CNTN5: variants seen among roughly 807,000 people sequenced by gnomAD.
The protein encoded by CNTN5 is contactin-5.
A neutral mutation model predicts 129.1 loss-of-function variants in CNTN5; 77 were observed. The observed-to-expected ratio is 0.60, with a 90% CI of 0.50 to 0.72. The LOEUF is 0.72. Among genes scored for constraint, CNTN5 ranks in the 30% least tolerant of loss-of-function variants. The probability of loss-of-function intolerance (pLI) is 0.00; values close to 1 mark genes in which losing one functional copy is unlikely to be tolerated. For synonymous variants in CNTN5, 509 were observed against 465.6 expected, an observed-to-expected ratio of 1.09 and a Z score of -1.20; for missense variants, 1,478 against 1,328.8, an observed-to-expected ratio of 1.11 and a Z score of -1.75.
At chr11:99,949,532 A>T (rs1401699561) in intron 7 of CNTN5, among the ~76,000 whole-genome samples, 4 of 152,132 alleles carry the variant, frequency 2.6e-5, no homozygotes, top group African/African-American at 9.7e-5. Context: ...CAAAGTTTGG[A>T]ACCTAGGTTG....
At chr11:99,337,078 T>C (rs1054898875) in intron 2 of CNTN5, among the ~76,000 whole-genome samples, 3 of 152,146 alleles carry the variant, frequency 2.0e-5, no homozygotes, top group Non-Finnish European at 4.4e-5. Flanking sequence ...TTCTTAATAA[T>C]TTTTCTCTAT....
intron 1 of CNTN5, among the ~76,000 whole-genome samples, chr11:99,054,077 G>T (rs1185539893): frequency 6.6e-6 from 1 of 151,886 alleles, no homozygotes; most frequent in Non-Finnish European, 1.5e-5. Context: ...CAAATATTTG[G>T]ATATTAATAT....
Position 100,340,443 on chromosome 11 carries a change from A to T in CNTN5, c.2731-20A>T, listed in dbSNP as rs375539377. The stretch of plus-strand genomic sequence containing the variant: ...GAGGAAGCTTTAAAATTAACCTGCC[A>T]TGTGATAATTTGTTGATAGGTTGGT... On this transcript the variant is annotated intron_variant, in intron 21 of 24. Transcript: ENST00000524871. 1.3e-6 allele frequency: 2 copies of T among 1,579,494 alleles called. No homozygotes were observed. Among genetic ancestry groups the T allele is most frequent in the Non-Finnish European group, 1.7e-6 (2 of 1,157,886 alleles).
At chr11:100,029,461 T>C (rs554444626) in intron 9 of CNTN5, among the ~76,000 whole-genome samples, 3 of 152,110 alleles carry the variant, frequency 2.0e-5, no homozygotes, top group African/African-American at 7.2e-5. Context: ...CAGGCGCCTG[T>C]AGTCCCAGCT....
chr11:99,726,308 A>G lies in CNTN5; in HGVS notation c.56-93236A>G, dbSNP rs528429657. ...TGTATGTGTGCCAGAGTAAAAAGCA[A>G]TTAATAGCAAAGTATTTTATAAAAG... On this transcript the variant is annotated intron_variant, in intron 3 of 24. Transcript: ENST00000524871. 6.6e-5 allele frequency among the ~76,000 whole-genome samples: 10 copies of G among 152,310 alleles called. No homozygotes were observed. In the South Asian group the frequency reaches 1.9e-3, roughly 28 times the overall value.
At chr11:99,374,052 C>A (rs147965365) in intron 2 of CNTN5, among the ~76,000 whole-genome samples, 3 of 152,084 alleles carry the variant, frequency 2.0e-5, no homozygotes, top group Non-Finnish European at 4.4e-5. Flanking sequence ...AGGAAGTTAT[C>A]GAAACATTTC....
intron 3 of CNTN5, among the ~76,000 whole-genome samples, chr11:99,735,020 A>G (rs1337014037): frequency 1.3e-5 from 2 of 152,200 alleles, no homozygotes; most frequent in Non-Finnish European, 2.9e-5. Context: ...AACAAAAACA[A>G]AAACAAAAGT....
intron 2 of CNTN5, among the ~76,000 whole-genome samples, chr11:99,415,065 C>A (rs910652329): frequency 1.9e-4 from 24 of 125,828 alleles, no homozygotes; most frequent in Non-Finnish European, 3.6e-4. Context: ...CTAAAACACA[C>A]TCTTTGGAAT....
intron 9 of CNTN5, among the ~76,000 whole-genome samples, chr11:100,003,182 C>G (rs2137481460): frequency 6.6e-6 from 1 of 152,150 alleles, no homozygotes; most frequent in Non-Finnish European, 1.5e-5. Flanking sequence ...GAAACAACAT[C>G]ATAATAGACT....
intron 6 of CNTN5, among the ~76,000 whole-genome samples, chr11:99,866,186 C>T (rs1489808873): frequency 6.6e-6 from 1 of 152,102 alleles, no homozygotes; most frequent in African/African-American, 2.4e-5. Context: ...TGGTTTTGCT[C>T]TCTAGTGCAC....
intron 6 of CNTN5, among the ~76,000 whole-genome samples, chr11:99,866,132 A>G (rs1462697439): frequency 6.6e-6 from 1 of 152,162 alleles, no homozygotes; most frequent in Non-Finnish European, 1.5e-5. Context: ...AGGAAATGTG[A>G]TCTCACAGAC....
rs118111794 is a variant in CNTN5, at chr11:99,661,884, G to A, written c.55+105615G>A. Among the ~76,000 whole-genome samples the A allele has an allele frequency of 8.1e-3, 1,234 of 152,166 alleles. 9 individuals carry two copies. Among genetic ancestry groups the A allele is most frequent in the Non-Finnish European group, 8.5e-3 (577 of 67,970 alleles). On this transcript the variant is annotated intron_variant, in intron 3 of 24. Transcript: ENST00000524871. ...AAATGTTAGAAGACTTACTTGAAGA[G>A]CATACGTATTTTCAATTTATGTAGA...
chr11:99,988,457 C>T (rs570282115), intron 8 of CNTN5, among the ~76,000 whole-genome samples: 2 of 152,248 alleles, frequency 1.3e-5, no homozygotes, highest in African/African-American at 2.4e-5. Context: ...TTGGAGGGAA[C>T]ATTCCTTCTG....
At chr11:99,558,109 G>C (rs147785674) in intron 3 of CNTN5, 5 of 178,956 alleles carry the variant, frequency 2.8e-5, no homozygotes, top group African/African-American at 1.2e-4. Context: ...AAGGCATTAA[G>C]AGTTAAGTGA....
intron 13 of CNTN5, among the ~76,000 whole-genome samples, chr11:100,075,683 C>G (rs1591187998): frequency 6.6e-6 from 1 of 152,152 alleles, no homozygotes; most frequent in African/African-American, 2.4e-5. Flanking sequence ...AGGTGTAGGA[C>G]AAATCACCTG....
At chr11:99,587,220 T>C (rs1591322190) in intron 3 of CNTN5, among the ~76,000 whole-genome samples, 1 of 152,206 alleles carries the variant, frequency 6.6e-6, no homozygotes, top group Non-Finnish European at 1.5e-5. Context: ...GAAGCGGCTA[T>C]AGAAGCTGCC....
intron 13 of CNTN5, among the ~76,000 whole-genome samples, chr11:100,175,422 C>A (rs182873793): frequency 6.6e-6 from 1 of 152,160 alleles, no homozygotes; most frequent in African/African-American, 2.4e-5. Context: ...TTACCATTGC[C>A]TTTTTTAACA....
intron 9 of CNTN5, among the ~76,000 whole-genome samples, chr11:100,023,665 C>G (rs1033121621): frequency 2.6e-5 from 4 of 152,216 alleles, no homozygotes; most frequent in Non-Finnish European, 4.4e-5. Flanking sequence ...ATCTACCCAT[C>G]TCTCTGTTAT....
intron 1 of CNTN5, among the ~76,000 whole-genome samples, chr11:99,147,306 C>A (rs1859837141): frequency 6.6e-6 from 1 of 152,070 alleles, no homozygotes; most frequent in African/African-American, 2.4e-5. Context: ...GCAAAGACAG[C>A]TGAAGCAACC....
Sources: allele counts gnomAD v4.1 joint callset (sites outside exome capture counted in the v4.1 genomes callset), GRCh38; gene constraint gnomAD v4.1.1; transcripts MANE v1.5; gene names NCBI Gene and HGNC (gene_info 2026-07-23, HGNC 2026-07-21).